The following AGMO variants were observed in gnomAD, a reference collection of about 807,000 sequenced individuals.
The protein encoded by AGMO is alkylglycerol monooxygenase.
Under a neutral mutation model 60.2 loss-of-function variants are expected in AGMO, and 75 were observed. That is an observed-to-expected ratio of 1.25 (90% confidence interval 1.03 to 1.51). The LOEUF (loss-of-function observed/expected upper bound fraction) is 1.51, where lower values mean the gene tolerates loss of function less well. Ranked by LOEUF, AGMO falls within the 40% of genes most tolerant of loss-of-function variation. AGMO has a pLI of 0.00. For synonymous variants in AGMO, 261 were observed against 177.1 expected (o/e 1.47, Z -3.76); for missense variants, 763 against 525.5 (o/e 1.45, Z -4.42).
chr7:15,177,863 G>A, the AGMO span, among the ~76,000 whole-genome samples: 2 of 152,048 alleles, frequency 1.3e-5, no homozygotes, highest in East Asian at 3.9e-4. Context: ...TCAATAAAGA[G>A]TGTTTACTAC....
intron 3 of AGMO, among the ~76,000 whole-genome samples, chr7:15,499,905 A>ACG (rs971145870): frequency 1.7e-3 from 116 of 69,400 alleles, no homozygotes; most frequent in Non-Finnish European, 2.6e-3. Context: ...TATATGTATT[A>ACG]CGCACACACA....
At chr7:15,428,161 A>T (rs1027698429) in intron 4 of AGMO, among the ~76,000 whole-genome samples, 2 of 152,072 alleles carry the variant, frequency 1.3e-5, no homozygotes, top group African/African-American at 4.8e-5. Context: ...TTGACAAATG[A>T]CTCAACAAAA....
chr7:15,292,290 A>G (rs1221714228), intron 12 of AGMO, among the ~76,000 whole-genome samples: 2 of 152,160 alleles, frequency 1.3e-5, no homozygotes, highest in Non-Finnish European at 2.9e-5. Context: ...AGCATCTCTG[A>G]AAGGGGTGAA....
At chr7:15,356,086 G>A (rs1486893933) in intron 12 of AGMO, among the ~76,000 whole-genome samples, 3 of 152,172 alleles carry the variant, frequency 2.0e-5, no homozygotes, top group Admixed American at 1.3e-4. Context: ...TACAACTTCG[G>A]TGAGGAAAGG....
Position 15,252,358 on chromosome 7 carries a change from A to G in AGMO, c.1264-50999T>C, listed in dbSNP as rs912234732. ...TGCCCTGTGATATTCCTTCCCTTTG[A>G]GTGTGGGTGGAGCCCATGACTTGTT... On this transcript the variant is annotated intron_variant, in intron 12 of 12. Transcript: ENST00000342526. Among the ~76,000 whole-genome samples the G allele has an allele frequency of 5.3e-5, 8 of 152,156 alleles. No individual in the cohort carries two copies. In the South Asian group the frequency reaches 6.2e-4, roughly 12 times the overall value.
At chr7:15,217,990 CTAAA>C (rs1781793415) in intron 12 of AGMO, among the ~76,000 whole-genome samples, 1 of 151,716 alleles carries the variant, frequency 6.6e-6, no homozygotes, top group African/African-American at 2.4e-5. Flanking sequence ...TTAAATAAAA[CTAAA>C]TGACAACGAA....
At chr7:15,202,682 AAGG>A (rs775687345) in intron 12 of AGMO, among the ~76,000 whole-genome samples, 19 of 152,032 alleles carry the variant, frequency 1.2e-4, no homozygotes, top group Non-Finnish European at 2.4e-4. Context: ...AGTTATATTG[AAGG>A]AGAAGTCAAG....
At chr7:15,193,569 T>G in the AGMO span, among the ~76,000 whole-genome samples, 2 of 152,158 alleles carry the variant, frequency 1.3e-5, no homozygotes, top group Non-Finnish European at 2.9e-5. Flanking sequence ...TATAATTTGT[T>G]CAGTCCTTTC....
chr7:15,205,142 T>A (rs939911093), intron 12 of AGMO, among the ~76,000 whole-genome samples: 2 of 152,218 alleles, frequency 1.3e-5, no homozygotes, highest in Non-Finnish European at 2.9e-5. Context: ...ATTTGACTTA[T>A]ACCTATGTAC....
chr7:15,334,516 A>G (rs915766027), intron 12 of AGMO, among the ~76,000 whole-genome samples: 3 of 152,100 alleles, frequency 2.0e-5, no homozygotes, highest in African/African-American at 4.8e-5. Context: ...AGGGCAGTAG[A>G]TTATTTCTTC....
chr7:15,272,948 C>T (rs1337774641), intron 12 of AGMO, among the ~76,000 whole-genome samples: 2 of 152,152 alleles, frequency 1.3e-5, no homozygotes, highest in Non-Finnish European at 2.9e-5. Context: ...CGAGAAGTGT[C>T]TGTTCATATC....
At chr7:15,233,981 A>G (rs1782339293) in intron 12 of AGMO, among the ~76,000 whole-genome samples, 1 of 152,290 alleles carries the variant, frequency 6.6e-6, no homozygotes, top group Non-Finnish European at 1.5e-5. Flanking sequence ...TCGGAGGTGG[A>G]GGTTGCAGTG....
At chr7:15,559,354 G>A (rs1467388714) in intron 2 of AGMO, among the ~76,000 whole-genome samples, 1 of 152,100 alleles carries the variant, frequency 6.6e-6, no homozygotes, top group East Asian at 1.9e-4. Context: ...TCTGGGATAA[G>A]CACACAATTC....
At chr7:15,473,037 T>A (rs1403569707) in intron 3 of AGMO, among the ~76,000 whole-genome samples, 1 of 151,882 alleles carries the variant, frequency 6.6e-6, no homozygotes, top group Non-Finnish European at 1.5e-5. Context: ...TATCAACAAT[T>A]CATAAATCTA....
At chr7:15,294,094 AG>A (rs1784349901) in intron 12 of AGMO, among the ~76,000 whole-genome samples, 1 of 152,164 alleles carries the variant, frequency 6.6e-6, no homozygotes, top group Non-Finnish European at 1.5e-5. Flanking sequence ...AACCTTGAAC[AG>A]GTTCCAGAAA....
chr7:15,354,441 CACACGTGTGTGTAT>C (rs1291354485), intron 12 of AGMO, among the ~76,000 whole-genome samples: 2,727 of 13,380 alleles, frequency 0.2, 217 homozygotes, highest in East Asian at 0.39. Context: ...TGTGTGTATA[CACACGTGTGTGTAT>C]ACACACGTGT....
At chr7:15,233,970 C>A (rs1782338345) in intron 12 of AGMO, among the ~76,000 whole-genome samples, 1 of 152,148 alleles carries the variant, frequency 6.6e-6, no homozygotes, top group South Asian at 2.1e-4. Context: ...TCACTTGAAC[C>A]TCGGAGGTGG....
At chr7:15,218,002 G>A (rs1446741978) in intron 12 of AGMO, among the ~76,000 whole-genome samples, 1 of 151,824 alleles carries the variant, frequency 6.6e-6, no homozygotes, top group African/African-American at 2.4e-5. Context: ...AAATGACAAC[G>A]AATATACTGC....
chr7:15,266,430 G>A (rs1463408675), intron 12 of AGMO, among the ~76,000 whole-genome samples: 1 of 151,886 alleles, frequency 6.6e-6, no homozygotes, highest in Admixed American at 6.6e-5. Flanking sequence ...CAACTTCAAA[G>A]GGCTCATGTG....
Sources: allele counts gnomAD v4.1 joint callset (sites outside exome capture counted in the v4.1 genomes callset), GRCh38; gene constraint gnomAD v4.1.1; transcripts MANE v1.5; gene names NCBI Gene and HGNC (gene_info 2026-07-23, HGNC 2026-07-21).